FRMD6: variants seen among roughly 807,000 people sequenced by gnomAD.
The protein encoded by FRMD6 is FERM domain-containing protein 6.
Under a neutral mutation model 73.2 loss-of-function variants are expected in FRMD6, and 37 were observed. The ratio of observed to expected loss-of-function variants is 0.51; its 90% confidence interval spans 0.39 to 0.66. FRMD6 has a LOEUF of 0.66. Among genes scored for constraint, FRMD6 ranks in the 30% least tolerant of loss-of-function variants. FRMD6 has a pLI of 0.00. For missense variants in FRMD6, 714 were observed against 780.5 expected (o/e 0.91, Z 1.02); for synonymous variants, 273 against 282.2 (o/e 0.97, Z 0.33).
intron 1 of FRMD6, among the ~76,000 whole-genome samples, chr14:51,542,948 C>G (rs978031828): frequency 6.6e-6 from 1 of 151,956 alleles, no homozygotes; most frequent in African/African-American, 2.4e-5. Flanking sequence ...GCCCTGTGCA[C>G]ATTTTTTAAC....
intron 1 of FRMD6, among the ~76,000 whole-genome samples, chr14:51,535,110 C>T (rs1885805687): frequency 6.6e-6 from 1 of 152,154 alleles, no homozygotes; most frequent in Non-Finnish European, 1.5e-5. Context: ...ATTCAGTCAT[C>T]TTTTGATTGA....
chr14:51,443,752 A>C, the FRMD6 span, among the ~76,000 whole-genome samples: 2 of 152,164 alleles, frequency 1.3e-5, no homozygotes, highest in East Asian at 3.9e-4. Flanking sequence ...AGTCCTTCTG[A>C]AGTAGTCTCT....
chr14:51,537,179 T>C (rs1429498690), intron 1 of FRMD6, among the ~76,000 whole-genome samples: 1 of 152,242 alleles, frequency 6.6e-6, no homozygotes, highest in Non-Finnish European at 1.5e-5. Context: ...GCTTTTCCTA[T>C]TCTTCCTTTC....
chr14:51,713,515 T>C (rs1897069365), intron 9 of FRMD6: 1 of 144,696 alleles, frequency 6.9e-6, no homozygotes, highest in South Asian at 2.2e-4. Context: ...CTGAAAAAAA[T>C]ACATGAGGAA....
the FRMD6 span, among the ~76,000 whole-genome samples, chr14:51,417,344 G>A: frequency 2.0e-5 from 3 of 152,116 alleles, no homozygotes; most frequent in Admixed American, 6.5e-5. Flanking sequence ...TAGGGCAGGC[G>A]TGGTGGTGAC....
intron 1 of FRMD6, among the ~76,000 whole-genome samples, chr14:51,523,413 T>C (rs1885055176): frequency 6.6e-6 from 1 of 152,090 alleles, no homozygotes; most frequent in Non-Finnish European, 1.5e-5. Context: ...TCTGTGGTCC[T>C]GGAAGGCACA....
chr14:51,452,528 A>T, the FRMD6 span, among the ~76,000 whole-genome samples: 1 of 152,234 alleles, frequency 6.6e-6, no homozygotes, highest in African/African-American at 2.4e-5. Context: ...TGGGCAACTA[A>T]GTTAGGATAT....
At chr14:51,505,695 T>G (rs1883921964) in intron 1 of FRMD6, among the ~76,000 whole-genome samples, 1 of 152,206 alleles carries the variant, frequency 6.6e-6, no homozygotes, top group South Asian at 2.1e-4. Context: ...TTTCTAAACC[T>G]AAATGCATCC....
chr14:51,543,828 A>C (rs1018686473), intron 1 of FRMD6, among the ~76,000 whole-genome samples: 4 of 152,092 alleles, frequency 2.6e-5, no homozygotes, highest in Non-Finnish European at 5.9e-5. Flanking sequence ...TAATTCTGGC[A>C]GCAATGTAAG....
chr14:51,540,130 C>A (rs1195994019), intron 1 of FRMD6, among the ~76,000 whole-genome samples: 1 of 151,954 alleles, frequency 6.6e-6, no homozygotes. Context: ...TTGGTGATGG[C>A]ATAGATCCCC....
chr14:51,596,599 G>A (rs1727959002), intron 2 of FRMD6, among the ~76,000 whole-genome samples: 1 of 152,158 alleles, frequency 6.6e-6, no homozygotes, highest in African/African-American at 2.4e-5. Flanking sequence ...ATGTATGGGA[G>A]GAAGTGTTTT....
chr14:51,507,002 T>C (rs1046971427), intron 1 of FRMD6, among the ~76,000 whole-genome samples: 2 of 152,098 alleles, frequency 1.3e-5, no homozygotes, highest in Non-Finnish European at 2.9e-5. Context: ...ATAATGTTAA[T>C]TGTGCTTGTT....
intron 1 of FRMD6, among the ~76,000 whole-genome samples, chr14:51,564,343 T>C (rs1257917212): frequency 1.3e-5 from 2 of 152,230 alleles, no homozygotes; most frequent in Non-Finnish European, 2.9e-5. Flanking sequence ...CTCAGTTTCC[T>C]GTCTACAATA....
At chr14:51,454,492 A>G in the FRMD6 span, 2 of 152,212 alleles carry the variant, frequency 1.3e-5, no homozygotes, top group African/African-American at 4.8e-5. Context: ...ATTTCCTGGC[A>G]GATGAACCAA....
At chr14:51,602,163 A>C (rs914540388) in intron 2 of FRMD6, among the ~76,000 whole-genome samples, 1 of 152,232 alleles carries the variant, frequency 6.6e-6, no homozygotes, top group African/African-American at 2.4e-5. Context: ...AGATGCTCCA[A>C]GAAATAGAAT....
the FRMD6 span, among the ~76,000 whole-genome samples, chr14:51,477,397 C>T: frequency 6.6e-6 from 1 of 152,054 alleles, no homozygotes; most frequent in African/African-American, 2.4e-5. Context: ...ACAGAAAATA[C>T]ACACCACACA....
chr14:51,514,862 A>G (rs1884528334), intron 1 of FRMD6, among the ~76,000 whole-genome samples: 1 of 152,216 alleles, frequency 6.6e-6, no homozygotes, highest in Admixed American at 6.5e-5. Context: ...ACAAACAAAC[A>G]AAAAAACTAT....
chr14:51,503,242 G>C (rs753338309), intron 1 of FRMD6, among the ~76,000 whole-genome samples: 1 of 152,172 alleles, frequency 6.6e-6, no homozygotes, highest in Non-Finnish European at 1.5e-5. Flanking sequence ...TGTTGAATAG[G>C]AGTGGTGAGA....
chr14:51,590,062 C>CAAAAAAAA (rs529602796), intron 2 of FRMD6, among the ~76,000 whole-genome samples: 2 of 82,574 alleles, frequency 2.4e-5, no homozygotes, highest in Non-Finnish European at 2.9e-5. Flanking sequence ...GAGCGAAACT[C>CAAAAAAAA]AAAAAAAAAA....
Sources: gnomAD v4.1 joint callset for allele counts (sites outside exome capture counted in the v4.1 genomes callset) on GRCh38, gnomAD v4.1.1 for gene constraint, MANE v1.5 for transcripts, NCBI Gene and HGNC (gene_info 2026-07-23, HGNC 2026-07-21) for gene names.